The following MYO9B variants were observed in gnomAD, a reference collection of about 807,000 sequenced individuals.
MYO9B encodes the protein unconventional myosin-IXb.
In MYO9B, 71 loss-of-function variants were observed where a neutral mutation model predicts 229.5. That is an observed-to-expected ratio of 0.31 (90% CI 0.26 to 0.38). The LOEUF is 0.38. Among genes scored for constraint, MYO9B ranks in the 10% least tolerant of loss-of-function variants. MYO9B has a pLI of 1.00. For synonymous variants in MYO9B, 1,185 were observed against 1,235.8 expected (o/e 0.96, Z 0.86); for missense variants, 2,255 against 2,920.5 (o/e 0.77, Z 5.25).
At chr19:17,083,567 A>G (rs749802610) in intron 1 of MYO9B, among the ~76,000 whole-genome samples, 4 of 151,716 alleles carry the variant, frequency 2.6e-5, no homozygotes, top group African/African-American at 4.8e-5. Context: ...GAGAAACACT[A>G]GTTCCGGGTT....
chr19:17,157,317 G>A, intron 7 of MYO9B: 1 of 327,186 alleles, frequency 3.1e-6, no homozygotes, highest in Non-Finnish European at 5.7e-6. Context: ...TACTTTGGGA[G>A]GCCAAGGTGG....
intron 13 of MYO9B, among the ~76,000 whole-genome samples, chr19:17,174,891 G>A (rs1255634839): frequency 2.6e-5 from 4 of 151,462 alleles, no homozygotes; most frequent in Non-Finnish European, 4.4e-5. Context: ...CCAAGATCGC[G>A]CCACTGCACT....
At chr19:17,159,673 A>G (rs2072576532) in intron 8 of MYO9B, among the ~76,000 whole-genome samples, 189 bp downstream of exon 8, 1 of 152,266 alleles carries the variant, frequency 6.6e-6, no homozygotes, top group Non-Finnish European at 1.5e-5. Flanking sequence ...CATGGGCCTC[A>G]GGCCAGAACT....
At chr19:17,158,586 C>A (rs930289906) in intron 7 of MYO9B, among the ~76,000 whole-genome samples, 2 of 150,772 alleles carry the variant, frequency 1.3e-5, no homozygotes, top group Non-Finnish European at 3.0e-5. Context: ...CAGAGCAAGA[C>A]TCCATCTAAA....
chr19:17,090,162 G>T (rs76290003), intron 1 of MYO9B, among the ~76,000 whole-genome samples: 3 of 52,632 alleles, frequency 5.7e-5, no homozygotes, highest in East Asian at 9.2e-4. Context: ...TTTTTTTTTT[G>T]AGATAAGGTC....
intron 1 of MYO9B, among the ~76,000 whole-genome samples, chr19:17,079,115 C>G (rs2057511985): frequency 6.6e-6 from 1 of 152,148 alleles, no homozygotes; most frequent in Non-Finnish European, 1.5e-5. Context: ...CCACGTGTCC[C>G]CTGGGGGCAG....
chr19:17,156,850 G>C, intron 6 of MYO9B, 59 bp from the exon 7 acceptor site: 2 of 1,551,608 alleles, frequency 1.3e-6, no homozygotes, highest in East Asian at 2.3e-5. Context: ...TCCCTGGGAA[G>C]TATCTGCTGT....
chr19:17,134,573 T>C (rs1417176242), intron 2 of MYO9B, among the ~76,000 whole-genome samples: 1 of 151,612 alleles, frequency 6.6e-6, no homozygotes, highest in East Asian at 1.9e-4. Context: ...TCTGTTCTAG[T>C]AGAGATGAGA....
chr19:17,152,285 GGCTCATGCCTGTAATCCC>G (rs1416222922), intron 3 of MYO9B, among the ~76,000 whole-genome samples: 5 of 152,128 alleles, frequency 3.3e-5, no homozygotes, highest in Non-Finnish European at 7.3e-5. Flanking sequence ...CAGGGATGGT[GGCTCATGCCTGTAATCCC>G]GCACTTTGGG....
At chr19:17,210,269 T>C in intron 36 of MYO9B, 64 bp from the exon 37 acceptor site, 2 of 1,473,726 alleles carry the variant, frequency 1.4e-6, no homozygotes. Flanking sequence ...ATTGGATGTA[T>C]CCCCAGCTCA....
intron 2 of MYO9B, among the ~76,000 whole-genome samples, chr19:17,115,385 T>C (rs1186265985): frequency 6.6e-6 from 1 of 151,832 alleles, no homozygotes; most frequent in East Asian, 1.9e-4. Flanking sequence ...TTTATAGGAA[T>C]TTTTTTTCCT....
chr19:17,087,395 A>G (rs1339200809), intron 1 of MYO9B, among the ~76,000 whole-genome samples: 1 of 152,202 alleles, frequency 6.6e-6, no homozygotes, highest in Non-Finnish European at 1.5e-5. Context: ...AGAAGAACAC[A>G]TTCAACTCCC....
Position 17,209,566 on chromosome 19 carries a change from C to T in MYO9B, c.5625-20C>T, listed in dbSNP as rs1346753979. 1 of 1,572,356 alleles carries T rather than the reference C, an allele frequency of 6.4e-7. No individual in the cohort carries two copies. Among genetic ancestry groups the T allele is most frequent in the Non-Finnish European group, 8.6e-7 (1 of 1,159,060 alleles). On this transcript the variant is annotated intron_variant, in intron 35 of 39. Transcript: ENST00000682292. ...CGGGGCGGTAACTGAGTCACTTCCT[C>T]CCGTGGGCCTTCTCTGTAGGTGCGT... is the stretch of plus-strand genomic sequence containing the variant.
At chr19:17,157,442 C>A (rs1321585750) in intron 7 of MYO9B, 5 of 165,316 alleles carry the variant, frequency 3.0e-5, no homozygotes, top group Non-Finnish European at 6.7e-5. Flanking sequence ...GCCTATAGTC[C>A]AAGCAACTTG....
rs570179360 is a variant in MYO9B at position 17,211,086 on chromosome 19, C to T, written c.5930+238C>T. ...GCAACCTCCATCTCCCGGGTTCAAG[C>T]GATTCTCTGCCTCAGCCTCCGAGTA... On this transcript the variant is annotated intron_variant, in intron 38 of 39. Transcript: ENST00000682292. Among the ~76,000 whole-genome samples, 11 of 146,266 alleles carry T rather than the reference C, an allele frequency of 7.5e-5. No homozygotes were observed. In the South Asian group the frequency reaches 1.9e-3, roughly 26 times the overall value.
At chr19:17,108,084 A>G (rs2057809841) in intron 2 of MYO9B, among the ~76,000 whole-genome samples, 1 of 152,036 alleles carries the variant, frequency 6.6e-6, no homozygotes, top group Non-Finnish European at 1.5e-5. Context: ...ATGCCAGCAA[A>G]GCTCCCTCCA....
chr19:17,162,491 A>C, intron 9 of MYO9B, 25 bp downstream of exon 9: 1 of 1,538,276 alleles, frequency 6.5e-7, no homozygotes, highest in South Asian at 1.2e-5. Context: ...TTGCTTCCTC[A>C]AGCCCGGCCA....
chr19:17,110,792 C>T (rs1568666906), intron 2 of MYO9B, among the ~76,000 whole-genome samples: 1 of 152,094 alleles, frequency 6.6e-6, no homozygotes, highest in Admixed American at 6.5e-5. Context: ...CAAGCTCACC[C>T]GAAGTTGTGC....
chr19:17,179,229 G>A (rs1319368044), intron 14 of MYO9B, among the ~76,000 whole-genome samples: 2 of 151,928 alleles, frequency 1.3e-5, no homozygotes, highest in African/African-American at 4.8e-5. Flanking sequence ...GTCCCCTGAT[G>A]GGGATGGTAC....
Sources: allele counts gnomAD v4.1 joint callset (sites outside exome capture counted in the v4.1 genomes callset), GRCh38; gene constraint gnomAD v4.1.1; transcripts MANE v1.5; gene names NCBI Gene and HGNC (gene_info 2026-07-23, HGNC 2026-07-21).